Variants in CSMD1 observed in about 807,000 individuals in gnomAD.
CSMD1 encodes CUB and sushi domain-containing protein 1.
In CSMD1, 213 loss-of-function variants were observed where a neutral mutation model predicts 417.5. The ratio of observed to expected loss-of-function variants is 0.51; its 90% CI spans 0.46 to 0.57. The LOEUF is 0.57. CSMD1 is among the 20% of genes least tolerant of loss of function. The pLI, the probability that CSMD1 is intolerant of heterozygous loss-of-function variation, is 0.00. For missense variants in CSMD1, 6,923 were observed against 4,529.7 expected, an observed-to-expected ratio of 1.53 and a Z score of -15.17; for synonymous variants, 2,862 against 1,736.8, an observed-to-expected ratio of 1.65 and a Z score of -16.11.
intron 7 of CSMD1, among the ~76,000 whole-genome samples, chr8:3,701,143 C>G (rs1431938959): frequency 3.3e-5 from 5 of 151,956 alleles, no homozygotes; most frequent in African/African-American, 9.7e-5. Context: ...GAGAGAGATG[C>G]CTGTTAGACA....
intron 18 of CSMD1, among the ~76,000 whole-genome samples, chr8:3,369,708 T>A (rs1223784234): frequency 2.0e-5 from 3 of 152,184 alleles, no homozygotes; most frequent in African/African-American, 7.2e-5. Flanking sequence ...TTCATTGAGT[T>A]CAAATCCCCT....
In CSMD1 at chr8:3,685,209, C is replaced by T. The variant is rs542934088; in HGVS notation, c.1009+23205G>A. ...ATCCAAAGTTGCAAAATTGAAGCCA[C>T]TGCCCTTGTTTTACACCAAAAATAG... On this transcript the variant is annotated intron_variant, in intron 7 of 69. Coordinates refer to ENST00000635120, the MANE Select transcript of CSMD1 (RefSeq NM_033225.6). Among the ~76,000 whole-genome samples, 16 of 152,354 alleles carry T rather than the reference C, an allele frequency of 1.1e-4. No homozygotes were observed. The East Asian group carries it at 2.7e-3, about 26-fold the overall frequency.
intron 2 of CSMD1, among the ~76,000 whole-genome samples, chr8:4,426,598 ATATAC>A (rs1585055807): frequency 2.4e-5 from 3 of 123,120 alleles, no homozygotes; most frequent in Non-Finnish European, 4.9e-5. Context: ...AGTATAGTAT[ATATAC>A]TATAAATTAT....
At chr8:3,597,567 C>G (rs148958604) in intron 8 of CSMD1, among the ~76,000 whole-genome samples, 3 of 152,268 alleles carry the variant, frequency 2.0e-5, no homozygotes, top group African/African-American at 7.2e-5. Flanking sequence ...CAAGAATTGT[C>G]ATTTCCATAT....
intron 3 of CSMD1, among the ~76,000 whole-genome samples, chr8:4,233,407 T>C (rs918866184): frequency 6.6e-6 from 1 of 152,196 alleles, no homozygotes; most frequent in African/African-American, 2.4e-5. Context: ...TCCACAAAAT[T>C]CATGTGTTGA....
chr8:3,673,517 C>T (rs987009576), intron 7 of CSMD1, among the ~76,000 whole-genome samples: 1 of 152,178 alleles, frequency 6.6e-6, no homozygotes, highest in Non-Finnish European at 1.5e-5. Flanking sequence ...AAACATTTTA[C>T]AGGAGAAAGT....
chr8:4,088,636 T>G (rs1056685642), intron 3 of CSMD1, among the ~76,000 whole-genome samples: 24 of 152,048 alleles, frequency 1.6e-4, no homozygotes, highest in Non-Finnish European at 2.6e-4. Flanking sequence ...AGGTTGAGAG[T>G]AAAGCCCAAA....
intron 3 of CSMD1, among the ~76,000 whole-genome samples, chr8:4,311,579 C>T (rs766224923): frequency 4.6e-5 from 7 of 151,846 alleles, no homozygotes; most frequent in African/African-American, 7.3e-5. Flanking sequence ...AAAACTGAGC[C>T]AGGTGTGGTT....
chr8:3,133,494 A>G (rs909002167), intron 41 of CSMD1, among the ~76,000 whole-genome samples: 7 of 152,132 alleles, frequency 4.6e-5, no homozygotes, highest in Non-Finnish European at 8.8e-5. Context: ...GCAGAAGGCA[A>G]TCCTGTTACT....
chr8:4,687,190 C>T (rs2116742716), intron 1 of CSMD1, among the ~76,000 whole-genome samples: 1 of 152,278 alleles, frequency 6.6e-6, no homozygotes, highest in South Asian at 2.1e-4. Flanking sequence ...GTGTGAGCAT[C>T]AGAGCCAAGG....
At chr8:3,540,236 G>C (rs562879710) in intron 10 of CSMD1, among the ~76,000 whole-genome samples, 46 of 152,122 alleles carry the variant, frequency 3.0e-4, no homozygotes, top group African/African-American at 1.1e-3. Flanking sequence ...ATTTTAACCA[G>C]CACTTCCTGA....
chr8:4,289,822 C>G (rs1052892822), intron 3 of CSMD1, among the ~76,000 whole-genome samples: 3 of 152,190 alleles, frequency 2.0e-5, no homozygotes, highest in African/African-American at 2.4e-5. Flanking sequence ...TGTTCACAAA[C>G]TAATCTAATG....
chr8:4,103,074 G>C (rs536166687), intron 3 of CSMD1, among the ~76,000 whole-genome samples: 9 of 152,162 alleles, frequency 5.9e-5, no homozygotes, highest in African/African-American at 1.7e-4. Context: ...TTGTGCCCTT[G>C]GTTTTGAGCT....
chr8:3,616,748 C>G lies in CSMD1; in HGVS notation c.1059G>C (p.Gly353=). The G allele has an allele frequency of 6.2e-7, 1 of 1,612,536 alleles. No individual in the cohort carries two copies. Among genetic ancestry groups the G allele is most frequent in the East Asian group, 2.2e-5 (1 of 44,808 alleles). Residue 353 remains glycine (G), a synonymous_variant, in exon 8 of 70, where the codon GGG becomes GGC. Transcript: ENST00000635120. ...ALVSDMCPDP[G]IPENGRRAGS... Reference sequence around the variant, plus strand: ...CTGCTCTTCTACCATTTTCTGGAATCCCAGGATCTGGACACATGTCAGAGA... The same window carrying G: ...CTGCTCTTCTACCATTTTCTGGAATGCCAGGATCTGGACACATGTCAGAGA...
At chr8:3,017,717 T>G (rs1367577907) in intron 52 of CSMD1, among the ~76,000 whole-genome samples, 2 of 151,652 alleles carry the variant, frequency 1.3e-5, no homozygotes, top group Non-Finnish European at 2.9e-5. Context: ...TATTTGAAGT[T>G]TACTGGGCCT....
chr8:3,734,751 TG>T (rs1286370993), intron 6 of CSMD1, among the ~76,000 whole-genome samples: 1 of 152,188 alleles, frequency 6.6e-6, no homozygotes, highest in Non-Finnish European at 1.5e-5. Context: ...TCTCCTAATG[TG>T]GCTGCTTCTT....
chr8:4,806,464 G>A (rs937838114), intron 1 of CSMD1, among the ~76,000 whole-genome samples: 21 of 144,002 alleles, frequency 1.5e-4, no homozygotes, highest in African/African-American at 2.9e-4. Flanking sequence ...TGCTTCCCAC[G>A]CCCATCTGTG....
intron 10 of CSMD1, among the ~76,000 whole-genome samples, chr8:3,558,117 C>G (rs1799243497): frequency 6.6e-6 from 1 of 151,276 alleles, no homozygotes; most frequent in African/African-American, 2.4e-5. Flanking sequence ...AATGGTGCCT[C>G]AATGGTACCC....
intron 3 of CSMD1, among the ~76,000 whole-genome samples, chr8:4,080,794 A>G (rs1203366755): frequency 6.6e-6 from 1 of 152,140 alleles, no homozygotes; most frequent in Non-Finnish European, 1.5e-5. Context: ...ACCCCTCTCT[A>G]AGTATTTGAT....
Sources: allele counts gnomAD v4.1 joint callset (sites outside exome capture counted in the v4.1 genomes callset), GRCh38; gene constraint gnomAD v4.1.1; transcripts MANE v1.5; gene names NCBI Gene and HGNC (gene_info 2026-07-23, HGNC 2026-07-21).